The following TBPL1 variants were observed in gnomAD, a reference collection of about 807,000 sequenced individuals.
TBPL1 encodes TATA-box binding protein like 1, also known as TATA box-binding protein-like 1.
TBPL1 carries 4 observed loss-of-function variants against 22.1 expected under a neutral mutation model. The observed-to-expected ratio is 0.18, with a 90% CI of 0.09 to 0.41. The LOEUF (loss-of-function observed/expected upper bound fraction) is 0.41. Ranked by LOEUF, TBPL1 falls within the 10% of genes least tolerant of loss-of-function variation. TBPL1 has a pLI of 1.00. For missense variants in TBPL1, 115 were observed against 222.3 expected (o/e 0.52, Z 3.07); for synonymous variants, 64 against 71.0 (o/e 0.90, Z 0.50).
intron 6 of TBPL1, among the ~76,000 whole-genome samples, chr6:133,986,753 T>C (rs1330526496): frequency 6.6e-6 from 1 of 152,246 alleles, no homozygotes; most frequent in Admixed American, 6.5e-5. Context: ...ATTTTGTGTT[T>C]CATATGTCCT....
At position 133,982,548 on chromosome 6, in the gene TBPL1, C is replaced by T. The variant is rs376080068; in HGVS notation, c.136-20C>T. 90 of 1,599,860 alleles carry T rather than the reference C, an allele frequency of 5.6e-5. No individual in the cohort carries two copies. The East Asian group carries it at 6.3e-4, about 11-fold the overall frequency. On this transcript the variant is annotated intron_variant, in intron 2 of 6. Coordinates refer to ENST00000237264, the MANE Select transcript of TBPL1 (RefSeq NM_004865.4). ...TGAAAAATAATGCTTATGAGGTAAT[C>T]AGATTTTTTTTCCCCCCAGAAAGTA...
At chr6:133,966,969 G>T (rs1233884554) in intron 1 of TBPL1, among the ~76,000 whole-genome samples, 1 of 152,046 alleles carries the variant, frequency 6.6e-6, no homozygotes, top group Non-Finnish European at 1.5e-5. Context: ...TTCTTTTTTA[G>T]CTAACCACTA....
chr6:133,954,929 T>A (rs1461413858), intron 1 of TBPL1, among the ~76,000 whole-genome samples: 1 of 152,160 alleles, frequency 6.6e-6, no homozygotes, highest in Non-Finnish European at 1.5e-5. Context: ...CATCTTAAGC[T>A]TTTAATATGG....
At chr6:133,964,416 TG>T (rs1321610231) in intron 1 of TBPL1, among the ~76,000 whole-genome samples, 3 of 151,892 alleles carry the variant, frequency 2.0e-5, no homozygotes, top group Admixed American at 2.0e-4. Context: ...TTGAACTGTT[TG>T]TTTTTTTTGT....
intron 1 of TBPL1, among the ~76,000 whole-genome samples, chr6:133,965,728 A>G (rs1179120903): frequency 6.6e-6 from 1 of 152,070 alleles, no homozygotes; most frequent in Non-Finnish European, 1.5e-5. Context: ...TTGAAGGAAT[A>G]TGATTTGCTT....
At chr6:133,978,379 A>G (rs1776351277) in intron 1 of TBPL1, among the ~76,000 whole-genome samples, 1 of 152,246 alleles carries the variant, frequency 6.6e-6, no homozygotes, top group South Asian at 2.1e-4. Flanking sequence ...CCATGTTACA[A>G]TATGAGAACA....
intron 1 of TBPL1, among the ~76,000 whole-genome samples, chr6:133,958,700 A>G (rs1775967540): frequency 6.6e-6 from 1 of 152,188 alleles, no homozygotes; most frequent in Admixed American, 6.5e-5. Flanking sequence ...GTTCTTTCCT[A>G]TTCTGGCTAA....
chr6:133,974,928 AAC>A (rs2114365130), intron 1 of TBPL1, among the ~76,000 whole-genome samples: 2 of 152,376 alleles, frequency 1.3e-5, no homozygotes, highest in East Asian at 3.9e-4. Context: ...GGATAATGAA[AAC>A]ACATATCCAA....
At chr6:133,960,221 A>G (rs1214129258) in intron 1 of TBPL1, among the ~76,000 whole-genome samples, 5 of 152,214 alleles carry the variant, frequency 3.3e-5, no homozygotes, top group South Asian at 2.1e-4. Flanking sequence ...TGAAGGCACA[A>G]TGACTAATTC....
intron 1 of TBPL1, among the ~76,000 whole-genome samples, chr6:133,961,803 TC>T (rs1776029733): frequency 6.6e-6 from 1 of 152,208 alleles, no homozygotes; most frequent in African/African-American, 2.4e-5. Flanking sequence ...TGAAAGACCT[TC>T]CCTGGATCAT....
At chr6:133,954,628 T>C (rs577163289) in intron 1 of TBPL1, among the ~76,000 whole-genome samples, 1 of 152,318 alleles carries the variant, frequency 6.6e-6, no homozygotes, top group East Asian at 1.9e-4. Flanking sequence ...AGGCCACATA[T>C]ACATACAAAG....
chr6:133,964,650 G>A (rs928623612), intron 1 of TBPL1, among the ~76,000 whole-genome samples: 2 of 151,796 alleles, frequency 1.3e-5, no homozygotes, highest in African/African-American at 2.4e-5. Flanking sequence ...GGGTTTTACC[G>A]TGTTAGCCAG....
intron 4 of TBPL1, 47 bp downstream of exon 4, chr6:133,982,927 T>C (rs1436602718): frequency 6.6e-6 from 10 of 1,517,680 alleles, no homozygotes; most frequent in Admixed American, 2.1e-5. Context: ...CAAGGACTTA[T>C]TTTTATAGAA....
intron 6 of TBPL1, among the ~76,000 whole-genome samples, chr6:133,985,121 T>C (rs1046834147): frequency 1.3e-5 from 2 of 150,762 alleles, no homozygotes; most frequent in African/African-American, 4.9e-5. Flanking sequence ...CTACTAAAAA[T>C]ACAAAATATT....
In TBPL1 at chr6:133,977,916, G is replaced by A. The variant is rs549476772; in HGVS notation, c.-44-2166G>A. Among the ~76,000 whole-genome samples, 5 of 152,328 alleles carry A rather than the reference G, an allele frequency of 3.3e-5. No individual in the cohort carries two copies. In the East Asian group the frequency reaches 5.8e-4, roughly 18 times the overall value. On this transcript the variant is annotated intron_variant, in intron 1 of 6. Coordinates refer to ENST00000237264, the MANE Select transcript of TBPL1 (RefSeq NM_004865.4). Reference sequence around the variant, plus strand: ...TGAAAAAGGGCAGAAAGGCAAAGGAGCCCTTGCTGGCTTAGTTGGTTGCTC... The same window carrying A: ...TGAAAAAGGGCAGAAAGGCAAAGGAACCCTTGCTGGCTTAGTTGGTTGCTC...
intron 1 of TBPL1, among the ~76,000 whole-genome samples, chr6:133,966,824 G>GTAC (rs1776128153): frequency 1.3e-5 from 2 of 149,708 alleles, no homozygotes; most frequent in Admixed American, 1.3e-4. Flanking sequence ...TCAAACCACA[G>GTAC]TACTACCACT....
chr6:133,975,151 A>G (rs1448157605), intron 1 of TBPL1, among the ~76,000 whole-genome samples: 1 of 152,160 alleles, frequency 6.6e-6, no homozygotes, highest in Non-Finnish European at 1.5e-5. Flanking sequence ...TTGTTCTGAG[A>G]AGAAACCAAA....
chr6:133,958,271 C>T (rs551019890), intron 1 of TBPL1, among the ~76,000 whole-genome samples: 5 of 152,256 alleles, frequency 3.3e-5, no homozygotes, highest in South Asian at 4.1e-4. Context: ...ATTAGGCTTT[C>T]GTTAGAAGGC....
chr6:133,968,142 C>G (rs1351827146), intron 1 of TBPL1, among the ~76,000 whole-genome samples: 2 of 151,988 alleles, frequency 1.3e-5, no homozygotes, highest in Non-Finnish European at 2.9e-5. Context: ...GCGCGTGCCA[C>G]CACGCCCAGC....
Sources: gnomAD v4.1 joint callset for allele counts (sites outside exome capture counted in the v4.1 genomes callset) on GRCh38, gnomAD v4.1.1 for gene constraint, MANE v1.5 for transcripts, NCBI Gene and HGNC (gene_info 2026-07-23, HGNC 2026-07-21) for gene names.